Variants in FRMD4B observed in about 807,000 individuals in gnomAD.
FRMD4B encodes FERM domain containing 4B, also known as FERM domain-containing protein 4B.
A neutral mutation model predicts 141.5 loss-of-function variants in FRMD4B; 74 were observed. The observed-to-expected ratio is 0.52, with a 90% CI of 0.43 to 0.63. FRMD4B has a LOEUF of 0.63. FRMD4B is among the 30% of genes least tolerant of loss of function. The pLI, the probability that FRMD4B is intolerant of heterozygous loss-of-function variation, is 0.00. For missense variants in FRMD4B, 1,366 were observed against 1,253.4 expected, an observed-to-expected ratio of 1.09 and a Z score of -1.36; for synonymous variants, 506 against 467.9, an observed-to-expected ratio of 1.08 and a Z score of -1.05.
At chr3:69,252,109 T>G (rs2093466794) in intron 5 of FRMD4B, among the ~76,000 whole-genome samples, 1 of 152,184 alleles carries the variant, frequency 6.6e-6, no homozygotes, top group Non-Finnish European at 1.5e-5. Flanking sequence ...CATCAGAACC[T>G]CAGACAAGTC....
chr3:69,173,347 C>T (rs550839224), intron 22 of FRMD4B, among the ~76,000 whole-genome samples: 2 of 151,912 alleles, frequency 1.3e-5, no homozygotes, highest in East Asian at 1.9e-4. Context: ...AAAATTAGTA[C>T]CTTTCTATAA....
chr3:69,231,965 A>G (rs907193376), intron 7 of FRMD4B, among the ~76,000 whole-genome samples: 4 of 152,186 alleles, frequency 2.6e-5, no homozygotes, highest in Non-Finnish European at 5.9e-5. Context: ...CAAGGGATCT[A>G]CGGAGCTTGT....
chr3:69,304,483 C>CAA lies in FRMD4B; in HGVS notation c.324-2050_324-2049dup, dbSNP rs1313360753. Among the ~76,000 whole-genome samples, 322 of 67,162 alleles carry CAA rather than the reference C, an allele frequency of 4.8e-3. 4 individuals are homozygous for CAA. Among genetic ancestry groups the CAA allele is most frequent in the South Asian group, 0.017 (34 of 1,972 alleles). The allele number at this position is 67,162 out of a possible 152,430, so 44.1% of individuals were successfully genotyped here. The stretch of plus-strand genomic sequence containing the variant: ...TGCACGACAGAGCAAGATTCTATCT[C>CAA]AAAAAAAAAAAAAAAAAAAAAACAG... On this transcript the variant is annotated intron_variant, in intron 3 of 22. Coordinates refer to ENST00000398540, the MANE Select transcript of FRMD4B (RefSeq NM_015123.3).
At chr3:69,333,644 C>G (rs1050131239) in intron 1 of FRMD4B, among the ~76,000 whole-genome samples, 1 of 152,100 alleles carries the variant, frequency 6.6e-6, no homozygotes, top group Non-Finnish European at 1.5e-5. Flanking sequence ...TGTTTTTTCC[C>G]TATAATTGGC....
At chr3:69,452,986 T>C (rs924174984) in intron 1 of FRMD4B, among the ~76,000 whole-genome samples, 2 of 152,250 alleles carry the variant, frequency 1.3e-5, no homozygotes, top group Non-Finnish European at 2.9e-5. Flanking sequence ...TACTAAGCCT[T>C]CAAAATCCAG....
intron 5 of FRMD4B, among the ~76,000 whole-genome samples, chr3:69,282,529 G>A (rs2093649140): frequency 6.6e-6 from 1 of 152,128 alleles, no homozygotes; most frequent in South Asian, 2.1e-4. Flanking sequence ...TCCTTATGTG[G>A]AATGTTCTCA....
chr3:69,216,129 G>C (rs1013921929), intron 11 of FRMD4B, 134 bp downstream of exon 11: 5 of 548,308 alleles, frequency 9.1e-6, no homozygotes, highest in Admixed American at 5.9e-5. Flanking sequence ...ACTCCAGCTT[G>C]GGCGACAAAG....
intron 4 of FRMD4B, among the ~76,000 whole-genome samples, chr3:69,298,523 A>T (rs1320834447): frequency 6.6e-6 from 1 of 152,188 alleles, no homozygotes; most frequent in Admixed American, 6.5e-5. Context: ...CACAGGCCCC[A>T]ATGCTCTACA....
At chr3:69,283,984 C>CA in intron 5 of FRMD4B, among the ~76,000 whole-genome samples, 1 of 124,162 alleles carries the variant, frequency 8.1e-6, no homozygotes, top group Admixed American at 8.2e-5. Context: ...ACAAAAAAAA[C>CA]AAAAAACAGA....
chr3:69,375,897 C>T lies in FRMD4B; in HGVS notation c.162+9931G>A, dbSNP rs1376098460. Among the ~76,000 whole-genome samples the T allele has an allele frequency of 2.0e-5, 3 of 152,230 alleles. No homozygotes were observed. The East Asian group carries it at 5.8e-4, about 29-fold the overall frequency. ...CCATACAGAAAGTCTTGCTCATATG[C>T]ACAAAGAGACAAGTACAAAAATTTT... On this transcript the variant is annotated intron_variant, in intron 1 of 22. Transcript: ENST00000398540.
At chr3:69,205,760 T>C (rs551489043) in intron 11 of FRMD4B, among the ~76,000 whole-genome samples, 9 of 152,304 alleles carry the variant, frequency 5.9e-5, no homozygotes, top group South Asian at 4.1e-4. Flanking sequence ...GGTGCTGAGA[T>C]TGGGAAACCC....
chr3:69,224,627 C>T lies in FRMD4B; in HGVS notation c.645G>A (p.Glu215=). The part of the protein sequence containing the change: ...LPAFPTKTLQ[E]HPSLAYCEDR... ...CTTACCAGTAGGCAAGGGATGGATGCTCCTGAAGAGTTTTGGTTGGAAAGG... is the reference window on the plus strand; with the variant it reads ...CTTACCAGTAGGCAAGGGATGGATGTTCCTGAAGAGTTTTGGTTGGAAAGG... The change falls in exon 8 of 23, where the codon GAG becomes GAA. Residue 215 remains glutamate (E), a synonymous_variant. Transcript: ENST00000398540. 1 of 1,575,538 alleles carries T rather than the reference C, an allele frequency of 6.3e-7. No homozygotes were observed. Among genetic ancestry groups the T allele is most frequent in the Non-Finnish European group, 8.7e-7 (1 of 1,149,972 alleles).
At chr3:69,484,650 T>A (rs1400024284) in intron 1 of FRMD4B, among the ~76,000 whole-genome samples, 1 of 152,022 alleles carries the variant, frequency 6.6e-6, no homozygotes, top group Non-Finnish European at 1.5e-5. Flanking sequence ...TGTTCCTGAC[T>A]CTCTGCAGGT....
At chr3:69,418,766 G>T (rs1364614486) in intron 2 of FRMD4B, among the ~76,000 whole-genome samples, 1 of 152,096 alleles carries the variant, frequency 6.6e-6, no homozygotes, top group Admixed American at 6.5e-5. Flanking sequence ...AGCCTGGTAA[G>T]AAACTGAGCA....
chr3:69,297,274 GC>G (rs1701063658), intron 4 of FRMD4B, among the ~76,000 whole-genome samples: 1 of 152,144 alleles, frequency 6.6e-6, no homozygotes, highest in Non-Finnish European at 1.5e-5. Context: ...GACTTCAAGG[GC>G]TCCATGTTTG....
intron 1 of FRMD4B, among the ~76,000 whole-genome samples, chr3:69,482,940 C>T (rs779228836): frequency 1.3e-5 from 2 of 152,182 alleles, no homozygotes; most frequent in Non-Finnish European, 2.9e-5. Flanking sequence ...ACAGAAAGAG[C>T]AGACACTCGG....
At chr3:69,350,768 G>A (rs897228240) in intron 1 of FRMD4B, among the ~76,000 whole-genome samples, 2 of 138,704 alleles carry the variant, frequency 1.4e-5, no homozygotes, top group African/African-American at 5.3e-5. Flanking sequence ...GGTGGGAATT[G>A]AACAATGAGA....
At chr3:69,200,841 G>A in intron 11 of FRMD4B, 1 of 473,158 alleles carries the variant, frequency 2.1e-6, no homozygotes, top group Non-Finnish European at 4.1e-6. Flanking sequence ...TACAGGAAGA[G>A]TTACAATGCA....
chr3:69,512,159 A>G (rs1346816855), intron 1 of FRMD4B, among the ~76,000 whole-genome samples: 1 of 152,170 alleles, frequency 6.6e-6, no homozygotes, highest in Non-Finnish European at 1.5e-5. Flanking sequence ...AAAGAAGAGG[A>G]ACAAGAAAAG....
Sources: allele counts gnomAD v4.1 joint callset (sites outside exome capture counted in the v4.1 genomes callset), GRCh38; gene constraint gnomAD v4.1.1; transcripts MANE v1.5; gene names NCBI Gene and HGNC (gene_info 2026-07-23, HGNC 2026-07-21).